TCEANC: variants seen among roughly 807,000 people sequenced by gnomAD.
TCEANC encodes transcription elongation factor A N-terminal and central domain-containing protein.
Under a neutral mutation model 8.7 loss-of-function variants are expected in TCEANC, and 8 were observed. That is an observed-to-expected ratio of 0.92 (90% CI 0.54 to 1.65). The LOEUF (loss-of-function observed/expected upper bound fraction) is 1.65, where lower values mean the gene tolerates loss of function less well. Ranked by LOEUF, TCEANC falls within the 40% of genes most tolerant of loss-of-function variation. The pLI is 0.00. For missense variants in TCEANC, 255 were observed against 251.9 expected (o/e 1.01, Z -0.08); for synonymous variants, 78 against 92.9 (o/e 0.84, Z 0.92).
At chrX:13,659,475 AATC>A (rs1357139520) in intron 1 of TCEANC, among the ~76,000 whole-genome samples, 174 bp from the exon 3 acceptor site, 3 of 112,087 alleles carry the variant, frequency 2.7e-5, no homozygotes, top group Non-Finnish European at 5.6e-5. Flanking sequence ...AAAATGAGTA[AATC>A]TATAGAAGTT....
chrX:13,664,557 C>A, exon 2 of TCEANC: 1 of 123,676 alleles, frequency 8.1e-6, no homozygotes. Context: ...TTGTTTTTTC[C>A]CCCTGTGAAC....
chrX:13,660,500 GTC>G (rs1468664082), intron 1 of TCEANC, among the ~76,000 whole-genome samples: 4 of 112,048 alleles, frequency 3.6e-5, no homozygotes, highest in African/African-American at 9.7e-5. Context: ...TCTATTTTCT[GTC>G]TCTATAGATT....
At chrX:13,663,208 C>G in exon 2 of TCEANC, 1 of 1,204,894 alleles carries the variant, frequency 8.3e-7, no homozygotes, top group South Asian at 1.8e-5. Flanking sequence ...TTTGAAGAAC[C>G]CCAGAAATTC....
At chrX:13,663,492 A>G in exon 2 of TCEANC, 1 of 1,175,099 alleles carries the variant, frequency 8.5e-7, no homozygotes, top group Non-Finnish European at 1.1e-6. Flanking sequence ...ACCCAGATGA[A>G]CAAATGATGA....
intron 1 of TCEANC, among the ~76,000 whole-genome samples, chrX:13,657,800 T>TC (rs1322856309): frequency 1.3e-5 from 1 of 74,654 alleles, no homozygotes; most frequent in African/African-American, 6.0e-5. Context: ...AGAGCGAGAC[T>TC]CCATCTCAAA....
chrX:13,659,628 CTTT>C (rs148168000), intron 1 of TCEANC, 21 bp from the exon 3 acceptor site: 92 of 83,859 alleles, frequency 1.1e-3, no homozygotes, highest in South Asian at 3.4e-3. Context: ...GTGTTAAGCC[CTTT>C]TTTTTTTTTT....
chrX:13,654,833 T>G (rs1017016015), upstream of TCEANC, among the ~76,000 whole-genome samples: 7 of 107,612 alleles, frequency 6.5e-5, no homozygotes, highest in Non-Finnish European at 1.2e-4. Context: ...ACCATGGTTT[T>G]TTTGTTTGTT....
chrX:13,653,491 A>C (rs758646502), upstream of TCEANC, among the ~76,000 whole-genome samples: 158 of 111,466 alleles, frequency 1.4e-3, no homozygotes, highest in Middle Eastern at 4.6e-3. Context: ...TAGACCGGGC[A>C]GTTGGGCTGG....
At chrX:13,657,981 G>A (rs1284645398) in intron 1 of TCEANC, among the ~76,000 whole-genome samples, 1 of 112,312 alleles carries the variant, frequency 8.9e-6, no homozygotes, top group African/African-American at 3.2e-5. Flanking sequence ...AAGGAATGAA[G>A]TACTGAAAAT....
At chrX:13,663,354 C>T in exon 2 of TCEANC, 1 of 1,195,661 alleles carries the variant, frequency 8.4e-7, no homozygotes, top group Admixed American at 2.3e-5. Context: ...AGGAACATTA[C>T]CTTCCCCAAG....
rs1431929984 is a variant in TCEANC at position 13,662,533 on chromosome X, G to T, written c.25G>T (p.Ala9Ser). The change falls in exon 2 of 2, where the codon GCC (alanine) becomes TCC (serine). Residue 9 changes from alanine (A) to serine (S), a missense_variant. Physicochemically the swap from Ala to Ser is moderately conservative, Grantham distance 99 (BLOSUM62 1). Transcript: ENST00000380600. ...GATGTCTGACAAGAACCAGATAGCT[G>T]CCAGAGCTTCTCTTATTGAGCAACT... is the stretch of plus-strand genomic sequence containing the variant. The T allele has an allele frequency of 5.0e-6, 6 of 1,208,931 alleles. No individual in the cohort carries two copies. The highest frequency in any genetic ancestry group is 1.7e-5 in the African/African-American group (1 of 57,175).
exon 2 of TCEANC, chrX:13,663,130 C>T: frequency 8.3e-7 from 1 of 1,210,549 alleles, no homozygotes; most frequent in Non-Finnish European, 1.1e-6. Context: ...AATTGAAGAG[C>T]ATGTTTTTAC....
exon 2 of TCEANC, chrX:13,663,497 T>G: frequency 8.5e-7 from 1 of 1,174,454 alleles, no homozygotes; most frequent in Non-Finnish European, 1.1e-6. Flanking sequence ...GATGAACAAA[T>G]GATGACTTAC....
At chrX:13,654,052 T>C (rs1416904034), upstream of TCEANC, among the ~76,000 whole-genome samples, 2 of 112,375 alleles carry the variant, frequency 1.8e-5, no homozygotes, top group Non-Finnish European at 3.8e-5. Context: ...CTAGTCCGAA[T>C]TGAGATGTGC....
At chrX:13,658,573 G>C (rs200022414) in intron 1 of TCEANC, among the ~76,000 whole-genome samples, 2 of 110,260 alleles carry the variant, frequency 1.8e-5, no homozygotes, top group African/African-American at 6.6e-5. Flanking sequence ...ATACATTTAA[G>C]ATACTGAAAA....
At chrX:13,661,096 G>A (rs5935648) in intron 1 of TCEANC, among the ~76,000 whole-genome samples, 21,183 of 111,173 alleles carry the variant, frequency 0.19, 1,668 homozygotes, top group African/African-American at 0.29. Context: ...TGCCTGCCTC[G>A]GCCTCCCAAA....
At chrX:13,662,766 G>A (rs1385666818) in exon 2 of TCEANC, 11 of 1,209,769 alleles carry the variant, frequency 9.1e-6, no homozygotes, top group East Asian at 8.9e-5. Flanking sequence ...ACTCCAAAGC[G>A]AGGAACAGCC....
chrX:13,663,749 C>G, exon 2 of TCEANC: 1 of 421,024 alleles, frequency 2.4e-6, no homozygotes, highest in South Asian at 6.0e-5. Context: ...GAGTGGATGA[C>G]TATTTATATT....
chrX:13,663,601 G>A, exon 2 of TCEANC: 1 of 1,043,262 alleles, frequency 9.6e-7, no homozygotes, highest in Non-Finnish European at 1.3e-6. Context: ...TAACCGGAGT[G>A]ATACCTTTTA....
Sources: allele counts gnomAD v4.1 joint callset (sites outside exome capture counted in the v4.1 genomes callset), GRCh38; gene constraint gnomAD v4.1.1; transcripts MANE v1.5; gene names NCBI Gene and HGNC (gene_info 2026-07-23, HGNC 2026-07-21).